Variants in NSG1 observed in about 807,000 individuals in gnomAD.
NSG1 encodes the protein neuronal vesicle trafficking-associated protein 1.
In NSG1, 9 loss-of-function variants were observed where a neutral mutation model predicts 19.3. That is an observed-to-expected ratio of 0.47 (90% CI 0.28 to 0.81). The LOEUF is 0.81. Among genes scored for constraint, NSG1 ranks in the 40% least tolerant of loss-of-function variants. The pLI is 0.11. For synonymous variants in NSG1, 104 were observed against 107.0 expected (o/e 0.97, Z 0.17); for missense variants, 236 against 242.4 (o/e 0.97, Z 0.18).
At chr4:4,400,988 A>C (rs1359308852) in intron 3 of NSG1, among the ~76,000 whole-genome samples, 2 of 152,352 alleles carry the variant, frequency 1.3e-5, no homozygotes, top group African/African-American at 4.8e-5. Flanking sequence ...ACAGCTGCCA[A>C]AGAGGTCAAT....
chr4:4,409,978 G>A (rs1239204918), intron 4 of NSG1, among the ~76,000 whole-genome samples: 2 of 152,252 alleles, frequency 1.3e-5, no homozygotes, highest in Non-Finnish European at 2.9e-5. Flanking sequence ...AGGGTCTGCC[G>A]TGGGAAATGC....
intron 4 of NSG1, 108 bp from the exon 5 acceptor site, chr4:4,417,123 CTATT>C (rs1448911849): frequency 2.3e-6 from 2 of 866,294 alleles, no homozygotes; most frequent in Non-Finnish European, 3.8e-6. Context: ...ATCACTGTAT[CTATT>C]CCTCCAAGCT....
chr4:4,408,361 G>A (rs200571454), intron 3 of NSG1, among the ~76,000 whole-genome samples: 8 of 152,316 alleles, frequency 5.3e-5, no homozygotes, highest in East Asian at 1.9e-4. Context: ...GCCCTGCCAC[G>A]TGCTGGCACC....
At chr4:4,408,721 A>G (rs1723998337) in intron 3 of NSG1, among the ~76,000 whole-genome samples, 1 of 151,392 alleles carries the variant, frequency 6.6e-6, no homozygotes, top group Non-Finnish European at 1.5e-5. Context: ...CGGCATCCCA[A>G]AGTGCTGGGA....
At chr4:4,393,755 G>A (rs1723110427) in intron 3 of NSG1, among the ~76,000 whole-genome samples, 2 of 152,162 alleles carry the variant, frequency 1.3e-5, no homozygotes, top group Admixed American at 1.3e-4. Context: ...TGCTCCCTCT[G>A]TGACTCTCTA....
At chr4:4,389,476 A>G (rs58573152) in intron 2 of NSG1, among the ~76,000 whole-genome samples, 2,899 of 152,284 alleles carry the variant, frequency 0.019, 82 homozygotes, top group African/African-American at 0.066. Context: ...TAAGGTCACA[A>G]TGAGGGAACT....
intron 4 of NSG1, among the ~76,000 whole-genome samples, chr4:4,413,242 A>G (rs1410798347): frequency 6.6e-6 from 1 of 151,870 alleles, no homozygotes; most frequent in African/African-American, 2.4e-5. Flanking sequence ...GACAGGAAAG[A>G]GGGCCCAGGG....
intron 3 of NSG1, among the ~76,000 whole-genome samples, chr4:4,395,331 T>G (rs1232538711): frequency 6.6e-6 from 1 of 152,202 alleles, no homozygotes; most frequent in East Asian, 1.9e-4. Flanking sequence ...TAATGTGTCC[T>G]GAGTTTTCGA....
chr4:4,387,561 C>CCGGGGGGGGGGGGGGGGG, intron 1 of NSG1, 43 bp from the exon 2 acceptor site: 9 of 1,141,978 alleles, frequency 7.9e-6, no homozygotes, highest in East Asian at 5.4e-5. Flanking sequence ...CGCCCCGCCC[C>CCGGGGGGGGGGGGGGGGG]GGGTCTTGCT....
chr4:4,400,427 GA>G (rs1723490306), intron 3 of NSG1, among the ~76,000 whole-genome samples: 1 of 152,140 alleles, frequency 6.6e-6, no homozygotes, highest in Non-Finnish European at 1.5e-5. Flanking sequence ...GACTGGTTTT[GA>G]AAACAGTTTT....
intron 4 of NSG1, among the ~76,000 whole-genome samples, chr4:4,412,744 G>T (rs994568536): frequency 6.6e-6 from 1 of 152,180 alleles, no homozygotes; most frequent in Non-Finnish European, 1.5e-5. Flanking sequence ...CTCAGTAGCT[G>T]GCTCTGAACT....
At chr4:4,390,751 C>T (rs902533004) in intron 2 of NSG1, among the ~76,000 whole-genome samples, 7 of 152,280 alleles carry the variant, frequency 4.6e-5, no homozygotes, top group African/African-American at 1.4e-4. Flanking sequence ...AAGGCAGCGC[C>T]GCTGAGGCCA....
intron 4 of NSG1, chr4:4,416,069 C>T (rs1724515254): frequency 1.4e-6 from 1 of 702,298 alleles, no homozygotes; most frequent in Non-Finnish European, 2.6e-6. Flanking sequence ...ACCTGGGGCA[C>T]ATCCTGGCTT....
chr4:4,415,750 G>T, intron 4 of NSG1: 1 of 235,206 alleles, frequency 4.3e-6, no homozygotes, highest in Non-Finnish European at 8.4e-6. Flanking sequence ...GCCGCATCAG[G>T]TCTTGCAGGA....
Position 4,417,464 on chromosome 4 carries a change from C to A in NSG1, c.*29C>A. On this transcript the variant is annotated 3_prime_UTR_variant, in exon 5 of 5. Coordinates refer to ENST00000621129, the MANE Select transcript of NSG1 (RefSeq NM_014392.5). ...GATGGGCAAGTTCCTTACAATGTGT[C>A]ACTTGCAAATAACAAAGGGACTTTG... The A allele has an allele frequency of 6.3e-7, 1 of 1,592,406 alleles. No homozygotes were observed. The highest frequency in any genetic ancestry group is 1.1e-5 in the South Asian group (1 of 90,474).
intron 1 of NSG1, 98 bp downstream of exon 1, chr4:4,387,271 G>A (rs1026477074): frequency 2.7e-5 from 6 of 222,510 alleles, no homozygotes; most frequent in African/African-American, 1.4e-4. Context: ...TACGCGGGAC[G>A]GGGCTGTGAA....
intron 2 of NSG1, among the ~76,000 whole-genome samples, chr4:4,391,111 A>G (rs901446630): frequency 6.6e-6 from 1 of 152,178 alleles, no homozygotes; most frequent in Non-Finnish European, 1.5e-5. Context: ...GCAGCCTCCC[A>G]GCTTCCTGGG....
intron 3 of NSG1, among the ~76,000 whole-genome samples, chr4:4,398,544 A>G (rs1028815882): frequency 6.6e-6 from 1 of 152,126 alleles, no homozygotes; most frequent in African/African-American, 2.4e-5. Flanking sequence ...GTAAGATGTG[A>G]TGTGACCATC....
chr4:4,390,737 G>A (rs1191592511), intron 2 of NSG1, among the ~76,000 whole-genome samples: 2 of 152,212 alleles, frequency 1.3e-5, no homozygotes, highest in Admixed American at 1.3e-4. Context: ...TGTGGTGAGT[G>A]ATGAAGGCAG....
Sources: gnomAD v4.1 joint callset for allele counts (sites outside exome capture counted in the v4.1 genomes callset) on GRCh38, gnomAD v4.1.1 for gene constraint, MANE v1.5 for transcripts, NCBI Gene and HGNC (gene_info 2026-07-23, HGNC 2026-07-21) for gene names.